The following MYBBP1A variants were observed in gnomAD, a reference collection of about 807,000 sequenced individuals.
MYBBP1A encodes the protein MYB binding protein 1a.
Under a neutral mutation model 136.3 loss-of-function variants are expected in MYBBP1A, and 147 were observed. The observed-to-expected ratio is 1.08, with a 90% CI of 0.94 to 1.24. MYBBP1A has a LOEUF of 1.24. Among genes scored for constraint, MYBBP1A ranks in the 50% most tolerant of loss-of-function variants. The probability of loss-of-function intolerance (pLI) is 0.00; values close to 1 mark genes in which losing one functional copy is unlikely to be tolerated. For synonymous variants in MYBBP1A, 947 were observed against 735.8 expected, an observed-to-expected ratio of 1.29 and a Z score of -4.65; for missense variants, 2,060 against 1,727.4, an observed-to-expected ratio of 1.19 and a Z score of -3.41.
intron 24 of MYBBP1A, 104 bp downstream of exon 24, chr17:4,541,358 AC>A: frequency 5.0e-6 from 5 of 998,334 alleles, no homozygotes; most frequent in Admixed American, 1.8e-5. Context: ...TCCCCACATG[AC>A]CCCCATCCCT....
Position 4,544,957 on chromosome 17 carries a change from G to T in MYBBP1A, c.2311-36C>A, listed in dbSNP as rs371827416. ...GAGGCCCAGCGGTCAGCCAGGCCTCGGGCAGGCACACAACATGGGGACACC... is the reference window on the plus strand; with the variant it reads ...GAGGCCCAGCGGTCAGCCAGGCCTCTGGCAGGCACACAACATGGGGACACC... On this transcript the variant is annotated intron_variant, in intron 17 of 25. Coordinates refer to ENST00000254718, the MANE Select transcript of MYBBP1A (RefSeq NM_014520.4). 11 of 1,572,444 alleles carry T rather than the reference G, an allele frequency of 7.0e-6. No homozygotes were observed. The South Asian group carries it at 1.3e-4, about 18-fold the overall frequency.
chr17:4,541,063 C>T (rs1391889905), intron 24 of MYBBP1A, among the ~76,000 whole-genome samples: 1 of 152,226 alleles, frequency 6.6e-6, no homozygotes, highest in Non-Finnish European at 1.5e-5. Flanking sequence ...ATGGCCACCT[C>T]CAGCTGCCTC....
At chr17:4,544,331 C>T (rs753824113) in intron 19 of MYBBP1A, among the ~76,000 whole-genome samples, 158 bp downstream of exon 19, 36 of 152,322 alleles carry the variant, frequency 2.4e-4, no homozygotes, top group Non-Finnish European at 1.8e-4. Context: ...CACTAAGTGA[C>T]GTGTGCCTCT....
intron 5 of MYBBP1A, 41 bp downstream of exon 5, chr17:4,553,769 A>G (rs1481355013): frequency 6.6e-7 from 1 of 1,524,292 alleles, no homozygotes; most frequent in African/African-American, 1.4e-5. Context: ...TGTCTCTGTA[A>G]CAAAGTGTTG....
chr17:4,544,541 T>TGCTGCGCAG lies in MYBBP1A; in HGVS notation c.2578_2586dup (p.Leu860_Ser862dup), dbSNP rs759327225. 3 of 1,557,592 alleles carry TGCTGCGCAG rather than the reference T, an allele frequency of 1.9e-6. No individual in the cohort carries two copies. Among genetic ancestry groups the TGCTGCGCAG allele is most frequent in the Non-Finnish European group, 1.7e-6 (2 of 1,151,222 alleles). On this transcript the variant is annotated inframe_insertion, in exon 19 of 26. Transcript: ENST00000254718. ...AGGTCCTGCTCCTGTTTGGAGCTGC[T>TGCTGCGCAG]GCTGCGCAGGCTGCGCCGGATGATG...
chr17:4,544,448 G>T (rs74680401), intron 19 of MYBBP1A, 41 bp downstream of exon 19: 19,147 of 1,540,360 alleles, frequency 0.012, 443 homozygotes, highest in East Asian at 0.12. Flanking sequence ...GCGCCTGGGG[G>T]CTGCCGGCCA....
At chr17:4,549,808 AAG>A in intron 9 of MYBBP1A, among the ~76,000 whole-genome samples, 3 of 150,452 alleles carry the variant, frequency 2.0e-5, no homozygotes, top group Non-Finnish European at 3.0e-5. Context: ...AAAAAAAAAA[AAG>A]AACCAGCAAA....
At chr17:4,550,012 G>A in intron 9 of MYBBP1A, 46 bp downstream of exon 9, 1 of 1,564,630 alleles carries the variant, frequency 6.4e-7, no homozygotes, top group East Asian at 2.3e-5. Context: ...TGCAGGCCTA[G>A]GAAGTTAACT....
At chr17:4,554,385 C>T in intron 2 of MYBBP1A, 107 bp from the exon 3 acceptor site, 2 of 934,698 alleles carry the variant, frequency 2.1e-6, no homozygotes, top group Non-Finnish European at 3.3e-6. Flanking sequence ...CAAGAAGCCT[C>T]AGGTCCCTAG....
rs766195926 is a variant in MYBBP1A, at chr17:4,541,615, TTC to T, written c.3196-53_3196-52del. The stretch of plus-strand genomic sequence containing the variant: ...CACTCCGGAGAGCTGCTCAAAGCCT[TTC>T]TGTTTCCCAGCCGGAAGTAAAGCCC... On this transcript the variant is annotated intron_variant, in intron 23 of 25. Coordinates refer to ENST00000254718, the MANE Select transcript of MYBBP1A (RefSeq NM_014520.4). 100 of 1,579,034 alleles carry T rather than the reference TTC, an allele frequency of 6.3e-5. 1 individual carries two copies. In the South Asian group the frequency reaches 9.4e-4, roughly 15 times the overall value.
At position 4,549,339 on chromosome 17, in the gene MYBBP1A, C is replaced by T; in HGVS notation, c.1423G>A (p.Val475Met). 6.2e-7 allele frequency: 1 copy of T among 1,611,496 alleles called. No individual in the cohort carries two copies. The highest frequency in any genetic ancestry group is 1.3e-5 in the African/African-American group (1 of 75,054). The change falls in exon 10 of 26, where the codon GTG becomes ATG. Residue 475 changes from valine to methionine, a missense_variant. Val to Met is a conservative substitution (Grantham distance 21). Transcript: ENST00000254718. ...LEMEEALTEQ[V>M]ARFCLFHSFF... The stretch of plus-strand genomic sequence containing the variant: ...ATCCAGCACAGCTCGCACCTGGCCA[C>T]CTGCTCAGTCAAGGCCTCCTCCATC...
intron 22 of MYBBP1A, chr17:4,542,132 T>C: frequency 1.7e-6 from 1 of 586,042 alleles, no homozygotes; most frequent in Non-Finnish European, 3.0e-6. Flanking sequence ...ATTATTGGCT[T>C]AGTGCCATCT....
intron 13 of MYBBP1A, chr17:4,547,724 C>CT (rs1266564069): frequency 2.2e-6 from 1 of 454,666 alleles, no homozygotes; most frequent in African/African-American, 2.0e-5. Flanking sequence ...GTGTCTGCCT[C>CT]AAAGCTGTGG....
chr17:4,541,416 C>A lies in MYBBP1A; in HGVS notation c.3297+47G>T, dbSNP rs367545339. 38 of 1,549,348 alleles carry A rather than the reference C, an allele frequency of 2.5e-5. No individual in the cohort carries two copies. In the African/African-American group the frequency reaches 5.0e-4, roughly 20 times the overall value. The stretch of plus-strand genomic sequence containing the variant: ...ACTGCTGGCCGGGAGGCCCCAAGGC[C>A]CCCAAGAGGAACCCGAACACGACCG... On this transcript the variant is annotated intron_variant, in intron 24 of 25. Transcript: ENST00000254718.
In MYBBP1A at chr17:4,551,889, G is replaced by A. The variant is rs749253554; in HGVS notation, c.1014C>T (p.Cys338=). ...CACGGGCATTACCCACCTTAGCAGT[G>A]CACACGTGCTCCCCGTAATGGCGGA... The part of the protein sequence containing the change: ...DVIRHYGEHV[C]TAKLPKQFKF... The change falls in exon 8 of 26, where the codon TGC becomes TGT. Residue 338 remains cysteine, a synonymous_variant. Transcript: ENST00000254718. 1.9e-6 allele frequency: 3 copies of A among 1,613,098 alleles called. No individual in the cohort carries two copies. Among genetic ancestry groups the A allele is most frequent in the Admixed American group, 3.3e-5 (2 of 60,022 alleles).
chr17:4,541,979 G>C, intron 22 of MYBBP1A, 88 bp from the exon 23 acceptor site: 2 of 993,138 alleles, frequency 2.0e-6, no homozygotes, highest in Non-Finnish European at 3.1e-6. Context: ...GGGCCCGCTG[G>C]GCACTGCTGT....
rs1320024892 is a variant in MYBBP1A at position 4,542,720 on chromosome 17, T to A, written c.2914A>T (p.Asn972Tyr). 1 of 1,613,556 alleles carries A rather than the reference T, an allele frequency of 6.2e-7. No individual in the cohort carries two copies. The highest frequency in any genetic ancestry group is 8.5e-7 in the Non-Finnish European group (1 of 1,179,938). The change falls in exon 21 of 26, where the codon AAC (asparagine) becomes TAC (tyrosine). Residue 972 changes from asparagine (N) to tyrosine (Y), a missense_variant. By Grantham distance (143) the Asn-to-Tyr change is moderately radical. Transcript: ENST00000254718. ...GTCGAGTACACCCGGGTCACCAGGT[T>A]CAAGTCCAAGCAGCTGGCAGCCTAG... ...GPQAASCLDL[N>Y]LVTRVYSTAL...
At position 4,544,994 on chromosome 17, in the gene MYBBP1A, C is replaced by G. The variant is rs776946361; in HGVS notation, c.2310+32G>C. The stretch of plus-strand genomic sequence containing the variant: ...AACATGGGGACACCCGAGCCCTCCC[C>G]GGCCGCCCCCCCCTCCACCTCCCCC... On this transcript the variant is annotated intron_variant, in intron 17 of 25. Coordinates refer to ENST00000254718, the MANE Select transcript of MYBBP1A (RefSeq NM_014520.4). 15 of 1,425,520 alleles carry G rather than the reference C, an allele frequency of 1.1e-5. No individual in the cohort carries two copies. In the East Asian group the frequency reaches 3.3e-4, roughly 32 times the overall value. The allele number at this position is 1,425,520 out of a possible 1,614,324, so 88.3% of individuals were successfully genotyped here. A position where few individuals can be genotyped will look rare whatever the true frequency, so the allele number is the denominator to read the frequency against.
Position 4,542,521 on chromosome 17 carries a change from C to G in MYBBP1A, c.3030G>C (p.Gln1010His), listed in dbSNP as rs1189578093. Reference protein sequence around the residue: ...SLFSRHPVLCQSLLPILVQHI... With the variant: ...SLFSRHPVLCHSLLPILVQHI... ...GCTGGACCAGGATGGGGAGCAGGCTCTGACAGAGCACCTGGTGGGGAGTGA... is the reference window on the plus strand; with the variant it reads ...GCTGGACCAGGATGGGGAGCAGGCTGTGACAGAGCACCTGGTGGGGAGTGA... Residue 1010 changes from glutamine (Q) to histidine (H), a missense_variant, in exon 22 of 26, where the codon CAG becomes CAC. Coordinates refer to ENST00000254718, the MANE Select transcript of MYBBP1A (RefSeq NM_014520.4). 1.9e-6 allele frequency: 3 copies of G among 1,612,696 alleles called. No individual in the cohort carries two copies. The highest frequency in any genetic ancestry group is 2.7e-5 in the African/African-American group (2 of 75,026).
Sources: allele counts gnomAD v4.1 joint callset (sites outside exome capture counted in the v4.1 genomes callset), GRCh38; gene constraint gnomAD v4.1.1; transcripts MANE v1.5; gene names NCBI Gene and HGNC (gene_info 2026-07-23, HGNC 2026-07-21).